Variants in IL1R2 observed in about 807,000 individuals in gnomAD.
IL1R2 encodes the protein interleukin-1 receptor type 2.
In IL1R2, 46 loss-of-function variants were observed where a neutral mutation model predicts 39.5. The ratio of observed to expected loss-of-function variants is 1.16; its 90% CI spans 0.92 to 1.49. The LOEUF (loss-of-function observed/expected upper bound fraction) is 1.49, where lower values mean the gene tolerates loss of function less well. Among genes scored for constraint, IL1R2 ranks in the 40% most tolerant of loss-of-function variants. The pLI is 0.00. For missense variants in IL1R2, 537 were observed against 502.0 expected (o/e 1.07, Z -0.67); for synonymous variants, 207 against 189.6 (o/e 1.09, Z -0.75).
intron 3 of IL1R2, among the ~76,000 whole-genome samples, chr2:102,013,810 G>T (rs1339410148): frequency 6.6e-6 from 1 of 152,060 alleles, no homozygotes; most frequent in Non-Finnish European, 1.5e-5. Flanking sequence ...TGCTTTGGAG[G>T]GTCTCTCATG....
At chr2:102,026,997 C>A (rs1375537588) in intron 8 of IL1R2, among the ~76,000 whole-genome samples, 1 of 152,178 alleles carries the variant, frequency 6.6e-6, no homozygotes, top group Non-Finnish European at 1.5e-5. Context: ...CAGCCACAAA[C>A]ACAGTGTAAA....
At chr2:101,996,235 C>T (rs987568203) in intron 1 of IL1R2, among the ~76,000 whole-genome samples, 11 of 152,162 alleles carry the variant, frequency 7.2e-5, no homozygotes, top group African/African-American at 2.7e-4. Context: ...CACAGAGCTG[C>T]TCCCGCCACC....
At chr2:102,028,053 A>G (rs1677840115) in intron 8 of IL1R2, among the ~76,000 whole-genome samples, 173 bp from the exon 9 acceptor site, 1 of 152,064 alleles carries the variant, frequency 6.6e-6, no homozygotes, top group African/African-American at 2.4e-5. Context: ...CACAGACATC[A>G]CTCTCAAATA....
At chr2:102,026,744 A>G (rs1255269703) in intron 8 of IL1R2, among the ~76,000 whole-genome samples, 1 of 152,252 alleles carries the variant, frequency 6.6e-6, no homozygotes, top group African/African-American at 2.4e-5. Flanking sequence ...TGTTCATTTA[A>G]GGACATTTAA....
chr2:102,017,108 T>C (rs3218914), intron 4 of IL1R2, among the ~76,000 whole-genome samples: 25,586 of 152,052 alleles, frequency 0.17, 2,555 homozygotes, highest in East Asian at 0.29. Context: ...TTTTAAAAAG[T>C]ACATGACAGC....
intron 1 of IL1R2, among the ~76,000 whole-genome samples, chr2:101,993,692 GTT>G: frequency 6.6e-6 from 1 of 152,000 alleles, no homozygotes; most frequent in Non-Finnish European, 1.5e-5. Context: ...ATGGCACACA[GTT>G]TGCTCTTGCT....
intron 5 of IL1R2, 67 bp from the exon 6 acceptor site, chr2:102,022,120 T>C: frequency 2.3e-6 from 3 of 1,313,674 alleles, no homozygotes. Context: ...AGCCAAACAA[T>C]GACTTGAACC....
chr2:102,019,459 CA>C (rs1677218406), intron 4 of IL1R2, among the ~76,000 whole-genome samples, 178 bp from the exon 5 acceptor site: 1 of 152,090 alleles, frequency 6.6e-6, no homozygotes, highest in Admixed American at 6.5e-5. Context: ...TATATGTTAA[CA>C]AATTCCTTCC....
chr2:101,993,670 C>T lies in IL1R2; in HGVS notation c.-62+1659C>T, dbSNP rs190466305. ...TCCCTATCTCTGTTCCTCTCTCTGT[C>T]TCTCTTAAATCATGGCACACAGTTT... On this transcript the variant is annotated intron_variant, in intron 1 of 8. Transcript: ENST00000332549. Among the ~76,000 whole-genome samples, 233 of 152,266 alleles carry T rather than the reference C, an allele frequency of 1.5e-3. 1 individual carries two copies. The highest frequency in any genetic ancestry group is 3.4e-3 in the Middle Eastern group (1 of 294).
At chr2:102,000,893 A>G (rs1675824164) in intron 1 of IL1R2, among the ~76,000 whole-genome samples, 3 of 152,210 alleles carry the variant, frequency 2.0e-5, no homozygotes, top group Non-Finnish European at 4.4e-5. Context: ...TGTTCAGGGT[A>G]GTGCATTCCT....
At chr2:102,018,162 C>T (rs1165863873) in intron 4 of IL1R2, among the ~76,000 whole-genome samples, 1 of 152,174 alleles carries the variant, frequency 6.6e-6, no homozygotes, top group Non-Finnish European at 1.5e-5. Context: ...CCTCGAACTC[C>T]TGGGTTCAAG....
intron 1 of IL1R2, among the ~76,000 whole-genome samples, chr2:101,999,751 C>T (rs947081874): frequency 1.3e-5 from 2 of 152,320 alleles, no homozygotes; most frequent in African/African-American, 2.4e-5. Context: ...CAGTTCCAAC[C>T]TCCAGCTCCA....
chr2:101,994,514 C>T (rs1248328976), intron 1 of IL1R2, among the ~76,000 whole-genome samples: 3 of 152,212 alleles, frequency 2.0e-5, no homozygotes, highest in Non-Finnish European at 1.5e-5. Flanking sequence ...TATGAAAATG[C>T]AGAGGGCTGA....
intron 3 of IL1R2, among the ~76,000 whole-genome samples, chr2:102,011,648 A>G (rs1676643401): frequency 6.6e-6 from 1 of 152,196 alleles, no homozygotes; most frequent in Non-Finnish European, 1.5e-5. Flanking sequence ...CCTGGTTATT[A>G]ACCCCTTGCC....
chr2:101,996,627 A>ATCTT (rs1308864443), intron 1 of IL1R2, among the ~76,000 whole-genome samples: 1 of 151,278 alleles, frequency 6.6e-6, no homozygotes, highest in Non-Finnish European at 1.5e-5. Flanking sequence ...GTGGAAGATG[A>ATCTT]TCTTTCAAAG....
At chr2:102,002,003 T>C (rs1675887407) in intron 1 of IL1R2, 1 of 152,128 alleles carries the variant, frequency 6.6e-6, no homozygotes, top group Non-Finnish European at 1.5e-5. Context: ...GATGAGACAG[T>C]TGCCTAAAAA....
chr2:101,996,238 C>T (rs185252540), intron 1 of IL1R2, among the ~76,000 whole-genome samples: 21 of 152,232 alleles, frequency 1.4e-4, no homozygotes, highest in South Asian at 1.0e-3. Flanking sequence ...AGAGCTGCTC[C>T]CGCCACCAAG....
chr2:102,002,492 T>TGTGTCTGTGTCTGTGTCC (rs1426032554), intron 1 of IL1R2, among the ~76,000 whole-genome samples: 3 of 137,404 alleles, frequency 2.2e-5, no homozygotes, highest in Admixed American at 7.2e-5. Context: ...TGTCTGTGTC[T>TGTGTCTGTGTCTGTGTCC]GTGTCCGTGT....
chr2:102,027,591 C>T (rs772608915), intron 8 of IL1R2, among the ~76,000 whole-genome samples: 1 of 152,122 alleles, frequency 6.6e-6, no homozygotes, highest in African/African-American at 2.4e-5. Flanking sequence ...GAGGTCATGT[C>T]GATTCCTGGA....
Sources: allele counts gnomAD v4.1 joint callset (sites outside exome capture counted in the v4.1 genomes callset), GRCh38; gene constraint gnomAD v4.1.1; transcripts MANE v1.5; gene names NCBI Gene and HGNC (gene_info 2026-07-23, HGNC 2026-07-21).